The following DIP2C variants were observed in gnomAD, a reference collection of about 807,000 sequenced individuals.
DIP2C encodes the protein DIP2 acetate--CoA ligase C (putative), also known as disco-interacting protein 2 homolog C.
A neutral mutation model predicts 192.4 loss-of-function variants in DIP2C; 33 were observed. The ratio of observed to expected loss-of-function variants is 0.17; its 90% CI spans 0.13 to 0.23. DIP2C has a LOEUF of 0.23. DIP2C is among the 10% of genes least tolerant of loss of function. The pLI, the probability that DIP2C is intolerant of heterozygous loss-of-function variation, is 1.00. For synonymous variants in DIP2C, 979 were observed against 864.1 expected (o/e 1.13, Z -2.33); for missense variants, 1,537 against 2,110.1 (o/e 0.73, Z 5.32).
intron 1 of DIP2C, among the ~76,000 whole-genome samples, chr10:612,224 C>T (rs542985305): frequency 5.9e-4 from 89 of 151,566 alleles, no homozygotes; most frequent in Non-Finnish European, 1.1e-3. Context: ...ACCCAGGAGG[C>T]GAGGTTGCAG....
chr10:501,033 T>C (rs1210645600), intron 1 of DIP2C, among the ~76,000 whole-genome samples: 1 of 152,202 alleles, frequency 6.6e-6, no homozygotes, highest in Non-Finnish European at 1.5e-5. Flanking sequence ...GCTCAAGTTA[T>C]TCCAGAGAAG....
chr10:364,224 G>A (rs1192389056), intron 20 of DIP2C, 150 bp downstream of exon 20: 4 of 816,738 alleles, frequency 4.9e-6, no homozygotes, highest in Non-Finnish European at 7.4e-6. Flanking sequence ...TTAAATCTCA[G>A]AGGTCAGAGT....
chr10:348,478 C>A (rs1245549292), intron 26 of DIP2C, among the ~76,000 whole-genome samples, 163 bp downstream of exon 26: 1 of 152,142 alleles, frequency 6.6e-6, no homozygotes, highest in Non-Finnish European at 1.5e-5. Context: ...GACCTAGACT[C>A]TAGGCTCCCT....
chr10:318,056 C>T (rs148735111), intron 31 of DIP2C, among the ~76,000 whole-genome samples: 13 of 152,056 alleles, frequency 8.5e-5, no homozygotes, highest in South Asian at 2.1e-4. Flanking sequence ...CCTGAGTAGA[C>T]GTAAAAGCAG....
chr10:433,078 G>A (rs1966894462), intron 4 of DIP2C, among the ~76,000 whole-genome samples: 2 of 152,128 alleles, frequency 1.3e-5, no homozygotes, highest in Admixed American at 6.5e-5. Flanking sequence ...GTTGTTGGAG[G>A]AAATAGTCTA....
At chr10:432,084 A>ATT (rs201658469) in intron 4 of DIP2C, among the ~76,000 whole-genome samples, 3 of 147,082 alleles carry the variant, frequency 2.0e-5, no homozygotes, top group East Asian at 2.0e-4. Context: ...TTGGTGCACA[A>ATT]TTTTTTTTTT....
chr10:281,323 T>C lies in DIP2C; in HGVS notation c.4295A>G (p.Glu1432Gly), dbSNP rs1954807523. 4.3e-6 allele frequency: 7 copies of C among 1,609,450 alleles called. No homozygotes were observed. The highest frequency in any genetic ancestry group is 6.0e-6 in the Non-Finnish European group (7 of 1,176,242). Residue 1432 changes from glutamate (E) to glycine (G), a missense_variant and splice_region_variant, in exon 36 of 37, where the codon GAG becomes GGG. By Grantham distance (98) the Glu-to-Gly change is moderately conservative (BLOSUM62 -2). Coordinates refer to ENST00000280886, the MANE Select transcript of DIP2C (RefSeq NM_014974.3). ...RRTELTDANGERHDALYVVGA... is the reference protein window; with the variant it reads ...RRTELTDANGGRHDALYVVGA... ...TACCACGTAGAGGGCATCATGGCGC[T>C]CTGTGGAGTAATGACAGCCTGCGTA...
rs1234711809 is a variant in DIP2C at position 303,351 on chromosome 10, C to CT, written c.3986+6679dup. Among the ~76,000 whole-genome samples the CT allele has an allele frequency of 9.2e-5, 14 of 152,326 alleles. No homozygotes were observed. The East Asian group carries it at 2.7e-3, about 29-fold the overall frequency. On this transcript the variant is annotated intron_variant, in intron 32 of 36. Transcript: ENST00000280886. ...ACTGTACTCGTAAGCTACACTAAATCTATAAGAAAATTCCCTTGTTAAATA... is the reference window on the plus strand; with the variant it reads ...ACTGTACTCGTAAGCTACACTAAATCTTATAAGAAAATTCCCTTGTTAAATA...
intron 4 of DIP2C, among the ~76,000 whole-genome samples, chr10:426,356 A>C (rs1966599781): frequency 6.6e-6 from 1 of 152,238 alleles, no homozygotes; most frequent in Admixed American, 6.5e-5. Flanking sequence ...AAATAAATGG[A>C]AACTAAATAA....
At chr10:487,427 G>A (rs940077491) in intron 1 of DIP2C, among the ~76,000 whole-genome samples, 1 of 152,112 alleles carries the variant, frequency 6.6e-6, no homozygotes, top group African/African-American at 2.4e-5. Context: ...CTCGGATGCT[G>A]CCTCTGCCTC....
chr10:380,068 G>A (rs1235288559), intron 17 of DIP2C, among the ~76,000 whole-genome samples: 3 of 152,006 alleles, frequency 2.0e-5, no homozygotes, highest in Non-Finnish European at 4.4e-5. Flanking sequence ...CGCAGAAGAG[G>A]CTGTCCCTGG....
chr10:310,363 C>T (rs187448472), intron 31 of DIP2C, among the ~76,000 whole-genome samples: 1 of 152,178 alleles, frequency 6.6e-6, no homozygotes, highest in South Asian at 2.1e-4. Flanking sequence ...AAGCCACGCA[C>T]TGTGCCAAAA....
rs557326251 is a variant in DIP2C, at chr10:507,745, T to G, written c.86-21215A>C. ...TCCTTTCAGTACTGACGATTGAAGA[T>G]CGAAGGTTAGAGCATTCCAGCCCAG... On this transcript the variant is annotated intron_variant, in intron 1 of 36. Transcript: ENST00000280886. Among the ~76,000 whole-genome samples, 92 of 152,286 alleles carry G rather than the reference T, an allele frequency of 6.0e-4. 1 individual carries two copies. Among genetic ancestry groups the G allele is most frequent in the Admixed American group, 3.5e-3 (54 of 15,298 alleles).
At chr10:359,010 C>G (rs578008313) in intron 22 of DIP2C, among the ~76,000 whole-genome samples, 2 of 152,240 alleles carry the variant, frequency 1.3e-5, no homozygotes, top group South Asian at 4.2e-4. Flanking sequence ...GGTTTCTAAG[C>G]CAGGCCACAT....
chr10:442,936 G>C (rs1231388705), intron 3 of DIP2C, among the ~76,000 whole-genome samples: 1 of 152,130 alleles, frequency 6.6e-6, no homozygotes, highest in Non-Finnish European at 1.5e-5. Context: ...AAGTTTCTCA[G>C]CTTTTTTGTT....
chr10:662,866 A>C (rs1239209216), intron 1 of DIP2C: 1 of 717,516 alleles, frequency 1.4e-6, no homozygotes, highest in Admixed American at 2.0e-5. Flanking sequence ...GCAGAACCAC[A>C]CTCAGCAGCA....
At chr10:536,273 A>C (rs1847687089) in intron 1 of DIP2C, among the ~76,000 whole-genome samples, 1 of 152,144 alleles carries the variant, frequency 6.6e-6, no homozygotes, top group Non-Finnish European at 1.5e-5. Context: ...TTTCCTCTCC[A>C]AGGACACCAG....
Position 326,997 on chromosome 10 carries a change from G to T in DIP2C, c.3924+9C>A. 6.2e-7 allele frequency: 1 copy of T among 1,608,840 alleles called. No individual in the cohort carries two copies. On this transcript the variant is annotated intron_variant, in intron 31 of 36. Transcript: ENST00000280886. The stretch of plus-strand genomic sequence containing the variant: ...TCCCACTCAGCACTGTGATGTCGCC[G>T]AATCTCACCTGCAAGCAAATCGCCA...
chr10:528,443 C>T (rs1253475990), intron 1 of DIP2C, among the ~76,000 whole-genome samples: 2 of 150,732 alleles, frequency 1.3e-5, no homozygotes, highest in South Asian at 2.1e-4. Context: ...GCTGCTCCCC[C>T]AGAACGCAGA....
Sources: gnomAD v4.1 joint callset for allele counts (sites outside exome capture counted in the v4.1 genomes callset) on GRCh38, gnomAD v4.1.1 for gene constraint, MANE v1.5 for transcripts, NCBI Gene and HGNC (gene_info 2026-07-23, HGNC 2026-07-21) for gene names.